HDX: variants seen among roughly 807,000 people sequenced by gnomAD.
HDX encodes chromosome X open reading frame 43.
In HDX, 19 loss-of-function variants were observed where a neutral mutation model predicts 45.2. That is an observed-to-expected ratio of 0.42 (90% CI 0.29 to 0.62). HDX has a LOEUF of 0.62. Ranked by LOEUF, HDX falls within the 20% of genes least tolerant of loss-of-function variation. The pLI, the probability that HDX is intolerant of heterozygous loss-of-function variation, is 0.20. For synonymous variants in HDX, 188 were observed against 172.8 expected, an observed-to-expected ratio of 1.09 and a Z score of -0.69; for missense variants, 532 against 493.9, an observed-to-expected ratio of 1.08 and a Z score of -0.73.
chrX:84,364,562 T>C (rs1298267235), intron 5 of HDX, among the ~76,000 whole-genome samples: 1 of 87,473 alleles, frequency 1.1e-5, no homozygotes, highest in Non-Finnish European at 2.1e-5. Flanking sequence ...AGTGCAGTGG[T>C]ACAATCTTGG....
Position 84,326,255 on chromosome X carries a change from G to T in HDX, c.1870C>A (p.Gln624Lys). 1 of 1,191,084 alleles carries T rather than the reference G, an allele frequency of 8.4e-7. No homozygotes were observed. The highest frequency in any genetic ancestry group is 1.1e-6 in the Non-Finnish European group (1 of 877,714). Residue 624 changes from glutamine (Q) to lysine (K), a missense_variant, in exon 10 of 11, where the codon CAA becomes AAA. Physicochemically the swap from Gln to Lys is moderately conservative, Grantham distance 53. Transcript: ENST00000373177. The stretch of plus-strand genomic sequence containing the variant: ...AAAGTCTGAAGTTTAAAGTATTTTT[G>T]CTTTTGAATCTCGAGCTCATTTTCA... ...FIENELEIQK[Q>K]KYFKLQTFVR...
chrX:84,412,878 C>T lies in HDX; in HGVS notation c.1305+27654G>A, dbSNP rs145601515. Among the ~76,000 whole-genome samples, 554 of 111,834 alleles carry T rather than the reference C, an allele frequency of 5.0e-3. 1 individual carries two copies. The highest frequency in any genetic ancestry group is 6.9e-3 in the African/African-American group (212 of 30,787). Reference sequence around the variant, plus strand: ...TTGTACATTCTGTATATTTTATTTGCGATTATTCGGGGAACCTGTAATCAA... The same window carrying T: ...TTGTACATTCTGTATATTTTATTTGTGATTATTCGGGGAACCTGTAATCAA... On this transcript the variant is annotated intron_variant, in intron 5 of 10. Coordinates refer to ENST00000373177, the MANE Select transcript of HDX (RefSeq NM_001177479.2).
At chrX:84,329,555 C>T (rs62614252) in intron 9 of HDX, among the ~76,000 whole-genome samples, 50 of 111,712 alleles carry the variant, frequency 4.5e-4, no homozygotes, top group South Asian at 1.1e-3. Context: ...AGTCCCAAAC[C>T]AGAAGGCGTT....
In HDX at chrX:84,325,428, T is replaced by C. The variant is rs1056743942; in HGVS notation, c.1947+750A>G. Among the ~76,000 whole-genome samples, 3 of 111,807 alleles carry C rather than the reference T, an allele frequency of 2.7e-5. No individual in the cohort carries two copies. In the South Asian group the frequency reaches 1.1e-3, roughly 41 times the overall value. On this transcript the variant is annotated intron_variant, in intron 10 of 10. Transcript: ENST00000373177. Reference sequence around the variant, plus strand: ...GACAAGGAATCAGCATAATGTCATATAGCTCAAATGAAAATTTGGTATAAT... The same window carrying C: ...GACAAGGAATCAGCATAATGTCATACAGCTCAAATGAAAATTTGGTATAAT...
intron 1 of HDX, among the ~76,000 whole-genome samples, chrX:84,497,742 T>C (rs749674781): frequency 1.8e-5 from 2 of 111,098 alleles, no homozygotes; most frequent in African/African-American, 6.6e-5. Context: ...TGTGTGTGTG[T>C]GTGTGTGTAT....
chrX:84,383,264 A>G (rs1484500038), intron 5 of HDX, among the ~76,000 whole-genome samples: 1 of 111,165 alleles, frequency 9.0e-6, no homozygotes, highest in Non-Finnish European at 1.9e-5. Flanking sequence ...CCAAAGAGAG[A>G]AAAGACTATT....
chrX:84,455,207 C>T (rs2040087420), intron 4 of HDX, among the ~76,000 whole-genome samples: 2 of 111,674 alleles, frequency 1.8e-5, no homozygotes, highest in South Asian at 7.6e-4. Flanking sequence ...TCCAGGAAAA[C>T]ATGACCTTGC....
chrX:84,378,652 A>G (rs1225549212), intron 5 of HDX, among the ~76,000 whole-genome samples: 1 of 111,698 alleles, frequency 9.0e-6, no homozygotes, highest in Non-Finnish European at 1.9e-5. Context: ...CATACAACAG[A>G]TACACAAAAA....
chrX:84,342,727 T>G (rs917645727), intron 7 of HDX, among the ~76,000 whole-genome samples: 1 of 111,018 alleles, frequency 9.0e-6, no homozygotes. Context: ...TTGTACAAAT[T>G]AAACTATAAG....
At chrX:84,352,318 A>G (rs2037378788) in intron 6 of HDX, among the ~76,000 whole-genome samples, 1 of 112,012 alleles carries the variant, frequency 8.9e-6, no homozygotes, top group South Asian at 3.7e-4. Context: ...CTAAATGTGA[A>G]GTTTGAAACA....
In HDX at chrX:84,326,307, G is replaced by A. The variant is rs1403434405; in HGVS notation, c.1825-7C>T. 4 of 1,163,474 alleles carry A rather than the reference G, an allele frequency of 3.4e-6. No homozygotes were observed. The highest frequency in any genetic ancestry group is 4.7e-6 in the Non-Finnish European group (4 of 852,998). ...TGAATTTGACTTCTTCATTCTGAAA[G>A]AGAAAATACCAAATGATACAATTAC... On this transcript the variant is annotated splice_polypyrimidine_tract_variant and splice_region_variant and intron_variant, in intron 9 of 10. Coordinates refer to ENST00000373177, the MANE Select transcript of HDX (RefSeq NM_001177479.2).
At chrX:84,326,979 C>T (rs748752137) in intron 9 of HDX, among the ~76,000 whole-genome samples, 37 of 109,644 alleles carry the variant, frequency 3.4e-4, no homozygotes, top group Non-Finnish European at 6.8e-4. Flanking sequence ...ATAGCAGACA[C>T]AGTAATGTTG....
At chrX:84,434,643 A>T (rs1436044176) in intron 5 of HDX, among the ~76,000 whole-genome samples, 3 of 110,706 alleles carry the variant, frequency 2.7e-5, no homozygotes, top group East Asian at 2.8e-4. Context: ...TTTCGGTTGT[A>T]TCATTTTATG....
intron 5 of HDX, among the ~76,000 whole-genome samples, chrX:84,398,240 G>A (rs149597135): frequency 1.2e-3 from 130 of 111,135 alleles, no homozygotes; most frequent in African/African-American, 4.1e-3. Flanking sequence ...AACCTTAAAT[G>A]TAAATGGGCC....
chrX:84,500,687 G>T (rs1196565538), intron 1 of HDX, among the ~76,000 whole-genome samples: 1 of 111,337 alleles, frequency 9.0e-6, no homozygotes, highest in Non-Finnish European at 1.9e-5. Flanking sequence ...ATCCTACGTG[G>T]AGGGGACAGT....
intron 2 of HDX, among the ~76,000 whole-genome samples, chrX:84,484,577 G>A (rs1160059110): frequency 8.9e-6 from 1 of 111,770 alleles, no homozygotes; most frequent in Non-Finnish European, 1.9e-5. Context: ...AATTCAAGAT[G>A]AGATTTTGGT....
intron 10 of HDX, among the ~76,000 whole-genome samples, chrX:84,323,393 A>T (rs780579943): frequency 1.2e-4 from 13 of 110,986 alleles, no homozygotes; most frequent in Non-Finnish European, 2.1e-4. Context: ...AGTCTATATG[A>T]CATACATCAC....
At chrX:84,347,436 G>A (rs771223703) in intron 6 of HDX, among the ~76,000 whole-genome samples, 1 of 111,027 alleles carries the variant, frequency 9.0e-6, no homozygotes, top group Admixed American at 9.6e-5. Context: ...GTATACATTA[G>A]GATAAATTTT....
chrX:84,434,468 T>C (rs1326289489), intron 5 of HDX, among the ~76,000 whole-genome samples: 1 of 112,071 alleles, frequency 8.9e-6, no homozygotes, highest in Non-Finnish European at 1.9e-5. Context: ...TCATGTGATG[T>C]AACATATTTA....
Sources: gnomAD v4.1 joint callset for allele counts (sites outside exome capture counted in the v4.1 genomes callset) on GRCh38, gnomAD v4.1.1 for gene constraint, MANE v1.5 for transcripts, NCBI Gene and HGNC (gene_info 2026-07-23, HGNC 2026-07-21) for gene names.